The following CMYA5 variants were observed in gnomAD, a reference collection of about 807,000 sequenced individuals.
CMYA5 encodes the protein cardiomyopathy associated 5, also known as cardiomyopathy-associated protein 5.
Under a neutral mutation model 318.9 loss-of-function variants are expected in CMYA5, and 246 were observed. The observed-to-expected ratio is 0.77, with a 90% CI of 0.70 to 0.86. The LOEUF is 0.86. CMYA5 is among the 40% of genes least tolerant of loss of function. The pLI is 0.00. For synonymous variants in CMYA5, 1,641 were observed against 1,729.5 expected, an observed-to-expected ratio of 0.95 and a Z score of 1.27; for missense variants, 4,589 against 4,678.2, an observed-to-expected ratio of 0.98 and a Z score of 0.56.
At chr5:79,725,328 C>G (rs1218946484) in intron 1 of CMYA5, among the ~76,000 whole-genome samples, 1 of 152,168 alleles carries the variant, frequency 6.6e-6, no homozygotes, top group Non-Finnish European at 1.5e-5. Flanking sequence ...ATGAATGCAG[C>G]TGGAGGCCAT....
Position 79,728,864 on chromosome 5 carries a change from T to C in CMYA5, c.150-51T>C, listed in dbSNP as rs185382707. On this transcript the variant is annotated intron_variant, in intron 1 of 12. Transcript: ENST00000446378. ...AAATGTATTTACTTATTCTATTAAT[T>C]AGTATTATTTTATTATGATAATATA... The C allele has an allele frequency of 2.8e-5, 23 of 811,526 alleles. No homozygotes were observed. The Middle Eastern group carries it at 1.1e-3, about 38-fold the overall frequency. 50.3% of individuals were successfully genotyped at this position (811,526 alleles called of 1,614,324 possible).
In CMYA5 at chr5:79,737,331, G is replaced by T. The variant is rs746459503; in HGVS notation, c.8566G>T (p.Asp2856Tyr). Reference sequence around the variant, plus strand: ...AGTTCATACTATTCAGACATCTAAAGATGACACATCCGATGTGCCTAAACA... The same window carrying T: ...AGTTCATACTATTCAGACATCTAAATATGACACATCCGATGTGCCTAAACA... Reference protein sequence around the residue: ...HTVHTIQTSKDDTSDVPKQSV... With the variant: ...HTVHTIQTSKYDTSDVPKQSV... Residue 2856 changes from aspartate (D) to tyrosine (Y), a missense_variant, in exon 2 of 13, where the codon GAT becomes TAT. Asp to Tyr is a radical substitution (Grantham distance 160). This residue lies in a region of CMYA5 where 2,431 missense variants were observed against 2,495.1 expected (regional missense o/e 0.97). Transcript: ENST00000446378. 5.6e-6 allele frequency: 9 copies of T among 1,613,698 alleles called. No individual in the cohort carries two copies. In the East Asian group the frequency reaches 2.0e-4, roughly 36 times the overall value.
At chr5:79,712,455 C>A (rs1827413719) in intron 1 of CMYA5, among the ~76,000 whole-genome samples, 1 of 151,912 alleles carries the variant, frequency 6.6e-6, no homozygotes, top group Non-Finnish European at 1.5e-5. Context: ...TCAAATGATC[C>A]ACCCTCCTCA....
chr5:79,708,108 T>A (rs1827309131), intron 1 of CMYA5, among the ~76,000 whole-genome samples: 1 of 152,216 alleles, frequency 6.6e-6, no homozygotes, highest in African/African-American at 2.4e-5. Flanking sequence ...ATATATGAAT[T>A]TTATGAGACA....
rs200584505 is a variant in CMYA5 at position 79,732,954 on chromosome 5, G to A, written c.4189G>A (p.Gly1397Arg). 336 of 1,613,420 alleles carry A rather than the reference G, an allele frequency of 2.1e-4. No individual in the cohort carries two copies. The highest frequency in any genetic ancestry group is 2.7e-4 in the Non-Finnish European group (323 of 1,179,676). Reference sequence around the variant, plus strand: ...AACAAAAGTAGGAAAGGGTGAATTAGGAAGTGGTTTGCCACCACTGGTAAC... The same window carrying A: ...AACAAAAGTAGGAAAGGGTGAATTAAGAAGTGGTTTGCCACCACTGGTAAC... ...VLTKVGKGELGSGLPPLVTSA... is the reference protein window; with the variant it reads ...VLTKVGKGELRSGLPPLVTSA... The change falls in exon 2 of 13, where the codon GGA becomes AGA. Residue 1397 changes from glycine to arginine, a missense_variant. This residue lies in a region of CMYA5 where 2,132 missense variants were observed against 2,131.3 expected (regional missense o/e 1.00). Transcript: ENST00000446378.
chr5:79,729,193 C>A lies in CMYA5; in HGVS notation c.428C>A (p.Pro143Gln). The change falls in exon 2 of 13, where the codon CCA becomes CAA. Residue 143 changes from proline to glutamine, a missense_variant. Around this residue, in one of 3 missense-constraint regions of CMYA5, gnomAD observed 2,132 missense variants for 2,131.3 expected, o/e 1.00. Transcript: ENST00000446378. ...ACTCATAAGTCAAAGCATGGTTCAC[C>A]ATCATTACGCCGGAAAGGCAACAGA... is the stretch of plus-strand genomic sequence containing the variant. ...KRTHKSKHGS[P>Q]SLRRKGNRKR... 6.2e-7 allele frequency: 1 copy of A among 1,612,928 alleles called. No homozygotes were observed. Among genetic ancestry groups the A allele is most frequent in the East Asian group, 2.2e-5 (1 of 44,870 alleles).
At position 79,737,722 on chromosome 5, in the gene CMYA5, T is replaced by G; in HGVS notation, c.8957T>G (p.Phe2986Cys). 1 of 1,612,384 alleles carries G rather than the reference T, an allele frequency of 6.2e-7. No homozygotes were observed. The highest frequency in any genetic ancestry group is 8.5e-7 in the Non-Finnish European group (1 of 1,179,546). The change falls in exon 2 of 13, where the codon TTT becomes TGT. Residue 2986 changes from phenylalanine (F) to cysteine (C), a missense_variant. Coordinates refer to ENST00000446378, the MANE Select transcript of CMYA5 (RefSeq NM_153610.5). ...GAATATTTGGAAGAGAAAGCCTCAT[T>G]TAAAACCATACCACTCCCTGATGAT... ...KLEYLEEKAS[F>C]KTIPLPDDSE...
rs904914599 is a variant in CMYA5 at position 79,786,813 on chromosome 5, G to C, written c.11556-2158G>C. ...CTTTTTTGCTTTGTTCTTGGTGCTTGAGCATAAGGTGGCAACTTGTATACA... is the reference window on the plus strand; with the variant it reads ...CTTTTTTGCTTTGTTCTTGGTGCTTCAGCATAAGGTGGCAACTTGTATACA... On this transcript the variant is annotated intron_variant, in intron 9 of 12. Coordinates refer to ENST00000446378, the MANE Select transcript of CMYA5 (RefSeq NM_153610.5). Among the ~76,000 whole-genome samples the C allele has an allele frequency of 2.6e-5, 4 of 152,294 alleles. No individual in the cohort carries two copies. In the South Asian group the frequency reaches 8.3e-4, roughly 32 times the overall value.
At chr5:79,761,212 A>C (rs1446624617) in intron 7 of CMYA5, among the ~76,000 whole-genome samples, 4 of 152,222 alleles carry the variant, frequency 2.6e-5, no homozygotes, top group Non-Finnish European at 1.5e-5. Context: ...CAAATGTCTT[A>C]ATTGGACAAA....
intron 9 of CMYA5, among the ~76,000 whole-genome samples, chr5:79,771,699 C>A (rs1828859433): frequency 6.6e-6 from 1 of 152,154 alleles, no homozygotes; most frequent in African/African-American, 2.4e-5. Context: ...TCTCAGCAAT[C>A]CTATGAGGCA....
At chr5:79,754,048 A>G (rs911929823) in intron 6 of CMYA5, among the ~76,000 whole-genome samples, 1 of 152,220 alleles carries the variant, frequency 6.6e-6, no homozygotes, top group African/African-American at 2.4e-5. Flanking sequence ...AAAATGTCAC[A>G]AAGTGTTAAC....
Position 79,733,383 on chromosome 5 carries a change from A to G in CMYA5, c.4618A>G (p.Lys1540Glu), listed in dbSNP as rs1273836420. The part of the protein sequence containing the change: ...PLSLWGEIKK[K>E]ETELPSSQNV... Reference sequence around the variant, plus strand: ...CAGCCTATGGGGTGAGATAAAGAAGAAAGAAACTGAACTTCCTTCATCACA... The same window carrying G: ...CAGCCTATGGGGTGAGATAAAGAAGGAAGAAACTGAACTTCCTTCATCACA... Residue 1540 changes from lysine to glutamate, a missense_variant, in exon 2 of 13, where the codon AAA becomes GAA. Around this residue, in one of 3 missense-constraint regions of CMYA5, gnomAD observed 2,132 missense variants for 2,131.3 expected, o/e 1.00. Coordinates refer to ENST00000446378, the MANE Select transcript of CMYA5 (RefSeq NM_153610.5). 4 of 1,613,544 alleles carry G rather than the reference A, an allele frequency of 2.5e-6. No homozygotes were observed. Among genetic ancestry groups the G allele is most frequent in the Non-Finnish European group, 2.5e-6 (3 of 1,179,830 alleles).
intron 2 of CMYA5, among the ~76,000 whole-genome samples, chr5:79,742,069 T>TC (rs1828220276): frequency 2.2e-5 from 1 of 44,588 alleles, no homozygotes; most frequent in Non-Finnish European, 3.8e-5. Context: ...CTTCTTCTTC[T>TC]TCTTCTTCTT....
chr5:79,759,231 T>C (rs1255615952), intron 7 of CMYA5, among the ~76,000 whole-genome samples: 1 of 152,214 alleles, frequency 6.6e-6, no homozygotes, highest in East Asian at 1.9e-4. Context: ...TACCAGAGTT[T>C]CAAGGAAAAT....
At position 79,733,507 on chromosome 5, in the gene CMYA5, C is replaced by T; in HGVS notation, c.4742C>T (p.Ala1581Val). ...PELENLASGL[A>V]PTLLLLSDDK... ...TTGGAAAATTTAGCATCAGGTTTAG[C>T]CCCAACATTACTGCTCCTCAGTGAT... The change falls in exon 2 of 13, where the codon GCC (alanine) becomes GTC (valine). Residue 1581 changes from alanine (A) to valine (V), a missense_variant. Around this residue, in one of 3 missense-constraint regions of CMYA5, gnomAD observed 2,132 missense variants for 2,131.3 expected, o/e 1.00. Coordinates refer to ENST00000446378, the MANE Select transcript of CMYA5 (RefSeq NM_153610.5). 2.5e-6 allele frequency: 4 copies of T among 1,613,946 alleles called. No homozygotes were observed. The highest frequency in any genetic ancestry group is 3.4e-6 in the Non-Finnish European group (4 of 1,179,838).
intron 6 of CMYA5, among the ~76,000 whole-genome samples, chr5:79,758,235 A>G (rs1828568514): frequency 6.9e-6 from 1 of 144,690 alleles, no homozygotes; most frequent in Non-Finnish European, 1.5e-5. Context: ...ATCTCAACAG[A>G]TTAAAAAAAA....
In CMYA5 at chr5:79,770,533, T is replaced by C. The variant is rs561471881; in HGVS notation, c.11555+7324T>C. On this transcript the variant is annotated intron_variant, in intron 9 of 12. Coordinates refer to ENST00000446378, the MANE Select transcript of CMYA5 (RefSeq NM_153610.5). Reference sequence around the variant, plus strand: ...ACTGTTCTTCATGGCTTCCCTTGGCTAAGGCAGGGAGTTCCTCGACCCCTT... The same window carrying C: ...ACTGTTCTTCATGGCTTCCCTTGGCCAAGGCAGGGAGTTCCTCGACCCCTT... Among the ~76,000 whole-genome samples the C allele has an allele frequency of 1.3e-3, 197 of 152,284 alleles. 1 individual carries two copies. Among genetic ancestry groups the C allele is most frequent in the Admixed American group, 2.5e-3 (39 of 15,302 alleles).
chr5:79,737,206 C>G lies in CMYA5; in HGVS notation c.8441C>G (p.Pro2814Arg). 6.2e-7 allele frequency: 1 copy of G among 1,613,652 alleles called. No individual in the cohort carries two copies. Among genetic ancestry groups the G allele is most frequent in the Non-Finnish European group, 8.5e-7 (1 of 1,179,772 alleles). The stretch of plus-strand genomic sequence containing the variant: ...GAAACACCGCCATATTTGCTGTCAC[C>G]TGTAAAACCACAAACTCTTGCTTCA... ...SSETPPYLLS[P>R]VKPQTLASGA... Residue 2814 changes from proline to arginine, a missense_variant, in exon 2 of 13, where the codon CCT becomes CGT. By Grantham distance (103) the Pro-to-Arg change is moderately radical. Coordinates refer to ENST00000446378, the MANE Select transcript of CMYA5 (RefSeq NM_153610.5).
intron 5 of CMYA5, among the ~76,000 whole-genome samples, chr5:79,750,827 A>G (rs1265574099): frequency 6.6e-6 from 1 of 152,144 alleles, no homozygotes; most frequent in Non-Finnish European, 1.5e-5. Flanking sequence ...TCATATGCTG[A>G]TGTTAAACTG....
Sources: gnomAD v4.1 joint callset for allele counts (sites outside exome capture counted in the v4.1 genomes callset) on GRCh38, gnomAD v4.1.1 for gene constraint, gnomAD v4.1.1 regional missense constraint, MANE v1.5 for transcripts, NCBI Gene and HGNC (gene_info 2026-07-23, HGNC 2026-07-21) for gene names.